Variants in VWC2L observed in about 807,000 individuals in gnomAD.
VWC2L encodes the protein von Willebrand factor C domain containing 2 like.
In VWC2L, 10 loss-of-function variants were observed where a neutral mutation model predicts 21.6. The ratio of observed to expected loss-of-function variants is 0.46; its 90% CI spans 0.29 to 0.78. The LOEUF (loss-of-function observed/expected upper bound fraction) is 0.78, where lower values mean the gene tolerates loss of function less well. Among genes scored for constraint, VWC2L ranks in the 30% least tolerant of loss-of-function variants. The pLI is 0.10. For synonymous variants in VWC2L, 96 were observed against 94.3 expected, an observed-to-expected ratio of 1.02 and a Z score of -0.10; for missense variants, 209 against 277.1, an observed-to-expected ratio of 0.75 and a Z score of 1.74.
chr2:214,455,441 G>A (rs1354261836), intron 3 of VWC2L, among the ~76,000 whole-genome samples: 1 of 151,934 alleles, frequency 6.6e-6, no homozygotes, highest in Non-Finnish European at 1.5e-5. Context: ...ACATATTTAT[G>A]GGTTACATTT....
chr2:214,417,827 C>G (rs997217429), intron 2 of VWC2L, among the ~76,000 whole-genome samples: 1 of 151,902 alleles, frequency 6.6e-6, no homozygotes, highest in African/African-American at 2.4e-5. Flanking sequence ...TATATCCAAG[C>G]ACAGAATTGA....
At chr2:214,489,520 C>T (rs1688717483) in intron 3 of VWC2L, among the ~76,000 whole-genome samples, 1 of 152,080 alleles carries the variant, frequency 6.6e-6, no homozygotes, top group Non-Finnish European at 1.5e-5. Context: ...AAATTAATAG[C>T]ATTTAAATGG....
At chr2:214,481,728 G>A (rs553978849) in intron 3 of VWC2L, among the ~76,000 whole-genome samples, 2 of 152,294 alleles carry the variant, frequency 1.3e-5, no homozygotes, top group South Asian at 4.1e-4. Context: ...ATGTTAAGCT[G>A]CATTACAAAT....
chr2:214,488,827 A>G (rs745646022), intron 3 of VWC2L, among the ~76,000 whole-genome samples: 38 of 152,250 alleles, frequency 2.5e-4, no homozygotes, highest in Admixed American at 1.2e-3. Flanking sequence ...GAGTGGAAGC[A>G]AGAGAGAGGA....
chr2:214,429,531 G>T (rs1023261613), intron 2 of VWC2L, among the ~76,000 whole-genome samples: 3 of 151,858 alleles, frequency 2.0e-5, no homozygotes, highest in African/African-American at 7.3e-5. Context: ...TCCTTGATAA[G>T]CATACTGTGC....
chr2:214,442,852 A>G (rs996613481), intron 3 of VWC2L, among the ~76,000 whole-genome samples: 9 of 152,200 alleles, frequency 5.9e-5, no homozygotes, highest in Non-Finnish European at 1.3e-4. Context: ...CTTAAATAAA[A>G]TACCATTACA....
intron 3 of VWC2L, among the ~76,000 whole-genome samples, chr2:214,503,301 G>T (rs769273484): frequency 2.2e-4 from 33 of 152,016 alleles, no homozygotes; most frequent in Non-Finnish European, 4.1e-4. Context: ...AGGAAGCAAA[G>T]TGCCTAAGTC....
chr2:214,480,233 A>T (rs1688583753), intron 3 of VWC2L, among the ~76,000 whole-genome samples: 1 of 152,232 alleles, frequency 6.6e-6, no homozygotes, highest in African/African-American at 2.4e-5. Flanking sequence ...AAAAATTCTT[A>T]CTAATTCCTG....
intron 3 of VWC2L, among the ~76,000 whole-genome samples, chr2:214,569,538 C>T (rs529845895): frequency 6.6e-6 from 1 of 152,274 alleles, no homozygotes; most frequent in South Asian, 2.1e-4. Context: ...AAAATAGTGT[C>T]AATGACGTTA....
At chr2:214,557,846 T>C (rs1235411085) in intron 3 of VWC2L, among the ~76,000 whole-genome samples, 1 of 152,184 alleles carries the variant, frequency 6.6e-6, no homozygotes, top group Non-Finnish European at 1.5e-5. Flanking sequence ...GCCATTCTCT[T>C]TTACATTCAA....
chr2:214,537,239 G>A (rs932880780), intron 3 of VWC2L, among the ~76,000 whole-genome samples: 1 of 152,038 alleles, frequency 6.6e-6, no homozygotes, highest in African/African-American at 2.4e-5. Context: ...CCAGGAGAAT[G>A]CTTGCTATTT....
chr2:214,563,940 C>A (rs541671142), intron 3 of VWC2L, among the ~76,000 whole-genome samples: 1 of 152,218 alleles, frequency 6.6e-6, no homozygotes, highest in East Asian at 1.9e-4. Context: ...TCTAAGAAAA[C>A]CCCACTGTCT....
chr2:214,558,757 T>G (rs1689915483), intron 3 of VWC2L, among the ~76,000 whole-genome samples: 1 of 152,104 alleles, frequency 6.6e-6, no homozygotes, highest in African/African-American at 2.4e-5. Context: ...AGTAAATTGG[T>G]TATGTCGTGG....
intron 3 of VWC2L, among the ~76,000 whole-genome samples, chr2:214,526,006 A>G (rs1484023469): frequency 6.6e-6 from 1 of 151,956 alleles, no homozygotes; most frequent in Non-Finnish European, 1.5e-5. Context: ...ATATGTTCTC[A>G]GCATATAAGT....
intron 3 of VWC2L, among the ~76,000 whole-genome samples, chr2:214,440,037 G>A (rs1168017944): frequency 6.6e-6 from 1 of 151,876 alleles, no homozygotes; most frequent in East Asian, 1.9e-4. Context: ...GTGTAAAGAA[G>A]AGAGTTTTAA....
At chr2:214,525,852 T>A (rs1559318949) in intron 3 of VWC2L, among the ~76,000 whole-genome samples, 1 of 152,324 alleles carries the variant, frequency 6.6e-6, no homozygotes, top group East Asian at 1.9e-4. Flanking sequence ...TGAGTGTGGT[T>A]TGAGCAAGTT....
chr2:214,414,198 C>T lies in VWC2L; in HGVS notation c.5C>T (p.Ala2Val). 6.2e-7 allele frequency: 1 copy of T among 1,609,842 alleles called. No individual in the cohort carries two copies. Among genetic ancestry groups the T allele is most frequent in the Non-Finnish European group, 8.5e-7 (1 of 1,178,914 alleles). Residue 2 changes from alanine (A) to valine (V), a missense_variant, in exon 2 of 4, where the codon GCT becomes GTT. Transcript: ENST00000312504. ...CAGAAGTCTTTGAAGAGGGGGATGGCTCTTCATATTCATGAAGCTTGCATA... is the reference window on the plus strand; with the variant it reads ...CAGAAGTCTTTGAAGAGGGGGATGGTTCTTCATATTCATGAAGCTTGCATA... MALHIHEACILL... is the reference protein window; with the variant it reads MVLHIHEACILL...
intron 3 of VWC2L, among the ~76,000 whole-genome samples, chr2:214,508,250 AG>A (rs1574604778): frequency 1.3e-5 from 2 of 152,334 alleles, no homozygotes; most frequent in East Asian, 3.9e-4. Context: ...ATGGGATTAC[AG>A]GCGTGCACCA....
intron 3 of VWC2L, among the ~76,000 whole-genome samples, chr2:214,545,307 A>G (rs1447421664): frequency 6.6e-6 from 1 of 152,150 alleles, no homozygotes; most frequent in Non-Finnish European, 1.5e-5. Flanking sequence ...ACTGTTATTC[A>G]TTGTTCATCT....
Sources: gnomAD v4.1 joint callset for allele counts (sites outside exome capture counted in the v4.1 genomes callset) on GRCh38, gnomAD v4.1.1 for gene constraint, MANE v1.5 for transcripts, NCBI Gene and HGNC (gene_info 2026-07-23, HGNC 2026-07-21) for gene names.